SETDB2: variants seen among roughly 807,000 people sequenced by gnomAD.
SETDB2 encodes the protein SET domain bifurcated histone lysine methyltransferase 2.
SETDB2 carries 56 observed loss-of-function variants against 82.5 expected under a neutral mutation model. The observed-to-expected ratio is 0.68, with a 90% CI of 0.55 to 0.85. The LOEUF (loss-of-function observed/expected upper bound fraction) is 0.85. Among genes scored for constraint, SETDB2 ranks in the 40% least tolerant of loss-of-function variants. The pLI, the probability that SETDB2 is intolerant of heterozygous loss-of-function variation, is 0.00. For missense variants in SETDB2, 677 were observed against 816.4 expected (o/e 0.83, Z 2.08); for synonymous variants, 272 against 284.9 (o/e 0.95, Z 0.46).
intron 2 of SETDB2, among the ~76,000 whole-genome samples, chr13:49,452,684 C>T (rs1957807366): frequency 6.6e-6 from 1 of 152,156 alleles, no homozygotes; most frequent in African/African-American, 2.4e-5. Context: ...GCTTAGGCTC[C>T]TCCTAGCTGT....
chr13:49,447,927 A>G lies in SETDB2; in HGVS notation c.-342+3070A>G, dbSNP rs140661030. Among the ~76,000 whole-genome samples, 70 of 152,188 alleles carry G rather than the reference A, an allele frequency of 4.6e-4. 1 individual carries two copies. Among genetic ancestry groups the G allele is most frequent in the African/African-American group, 1.6e-3 (65 of 41,546 alleles). On this transcript the variant is annotated intron_variant, in intron 1 of 13. Transcript: ENST00000611815. The stretch of plus-strand genomic sequence containing the variant: ...ATGATAAAAATTAGCCGTTCTCTGA[A>G]AGTTTTGTACAATTCATCTGTAAAA...
chr13:49,447,532 T>G (rs1439473208), intron 1 of SETDB2, among the ~76,000 whole-genome samples: 1 of 152,108 alleles, frequency 6.6e-6, no homozygotes, highest in East Asian at 1.9e-4. Context: ...GTAGATAGCC[T>G]CGATCAGAAT....
intron 3 of SETDB2, among the ~76,000 whole-genome samples, chr13:49,460,803 A>T (rs1398086374): frequency 6.6e-6 from 1 of 152,100 alleles, no homozygotes; most frequent in Non-Finnish European, 1.5e-5. Context: ...CATTATTATT[A>T]TGTGTTTATC....
intron 2 of SETDB2, among the ~76,000 whole-genome samples, chr13:49,456,850 G>A (rs539581861): frequency 2.9e-4 from 44 of 152,210 alleles, no homozygotes; most frequent in African/African-American, 1.1e-3. Context: ...TATTACTGTG[G>A]TTAAGGGCTT....
intron 4 of SETDB2, among the ~76,000 whole-genome samples, chr13:49,465,595 G>A (rs191166057): frequency 6.6e-6 from 1 of 151,388 alleles, no homozygotes; most frequent in Admixed American, 6.6e-5. Context: ...GGAGTACAAT[G>A]GCACGATCTT....
intron 1 of SETDB2, among the ~76,000 whole-genome samples, chr13:49,446,630 T>C (rs547797860): frequency 1.3e-5 from 2 of 152,356 alleles, no homozygotes; most frequent in South Asian, 4.1e-4. Flanking sequence ...TTATGTTATT[T>C]ATGGATCATT....
In SETDB2 at chr13:49,492,792, C is replaced by A. The variant is rs1958738070; in HGVS notation, c.*943C>A. On this transcript the variant is annotated 3_prime_UTR_variant, in exon 14 of 14. Coordinates refer to ENST00000611815, the MANE Select transcript of SETDB2 (RefSeq NM_001160308.3). ...TGGGCAACATGTCAAAACCCTGTCT[C>A]TACAAAAAATACAAAAATTAGCCTG... is the stretch of plus-strand genomic sequence containing the variant. 6.6e-6 allele frequency: 1 copy of A among 152,168 alleles called. No homozygotes were observed. The highest frequency in any genetic ancestry group is 2.1e-4 in the South Asian group (1 of 4,826). 9.4% of individuals were successfully genotyped at this position (152,168 alleles called of 1,614,324 possible). A position where few individuals can be genotyped will look rare whatever the true frequency, so the allele number is the denominator to read the frequency against.
chr13:49,461,196 C>A, intron 4 of SETDB2, 34 bp downstream of exon 4: 2 of 1,447,430 alleles, frequency 1.4e-6, no homozygotes, highest in South Asian at 1.2e-5. Context: ...GTAGAGTATT[C>A]TCTGATATTT....
In SETDB2 at chr13:49,492,198, C is replaced by T. The variant is rs1459374064; in HGVS notation, c.*349C>T. 1 of 188,596 alleles carries T rather than the reference C, an allele frequency of 5.3e-6. No individual in the cohort carries two copies. The highest frequency in any genetic ancestry group is 1.1e-5 in the Non-Finnish European group (1 of 89,076). The allele number at this position is 188,596 out of a possible 1,614,324, so 11.7% of individuals were successfully genotyped here. ...CAGCTGTTTCTAATTGCTTTTGTGA[C>T]TGTTACCTTTTAGTTCATGCCCCCC... On this transcript the variant is annotated 3_prime_UTR_variant, in exon 14 of 14. Transcript: ENST00000611815.
intron 4 of SETDB2, chr13:49,464,204 T>C (rs989218895): frequency 2.4e-5 from 15 of 621,482 alleles, no homozygotes; most frequent in Non-Finnish European, 4.1e-5. Flanking sequence ...AGTATAGTAC[T>C]GACTTCCTCT....
intron 5 of SETDB2, 100 bp from the exon 6 acceptor site, chr13:49,476,376 T>A: frequency 1.2e-6 from 1 of 809,408 alleles, no homozygotes; most frequent in Non-Finnish European, 1.9e-6. Context: ...GTCTGGCTTA[T>A]TTTAATATTG....
rs749430937 is a variant in SETDB2, at chr13:49,491,904, A to G, written c.*55A>G. 2.4e-6 allele frequency: 3 copies of G among 1,246,750 alleles called. No individual in the cohort carries two copies. The Admixed American group carries it at 5.0e-5, about 21-fold the overall frequency. The allele number at this position is 1,246,750 out of a possible 1,614,324, so 77.2% of individuals were successfully genotyped here. On this transcript the variant is annotated 3_prime_UTR_variant, in exon 14 of 14. Transcript: ENST00000611815. Reference sequence around the variant, plus strand: ...AGCTTATCAGGCTGAAATTAAAGCCATGCAAAAGAAGGTCTAGGTCCATCA... The same window carrying G: ...AGCTTATCAGGCTGAAATTAAAGCCGTGCAAAAGAAGGTCTAGGTCCATCA...
chr13:49,453,012 C>T (rs906133062), intron 2 of SETDB2, among the ~76,000 whole-genome samples: 4 of 152,082 alleles, frequency 2.6e-5, no homozygotes, highest in Non-Finnish European at 4.4e-5. Context: ...CTATACTCTT[C>T]GGAAATAAAT....
At chr13:49,467,396 C>A (rs1252203868) in intron 4 of SETDB2, among the ~76,000 whole-genome samples, 1 of 55,108 alleles carries the variant, frequency 1.8e-5, no homozygotes, top group African/African-American at 1.8e-4. Context: ...GAGACTCTGT[C>A]TCAAAAAAAA....
Position 49,482,866 on chromosome 13 carries a change from T to G in SETDB2, c.1286T>G (p.Val429Gly). ...KLEVACSDCE[V>G]EVLPLGLETH... ...GAAGTTGCATGTTCAGATTGTGAAG[T>G]TGAAGTTCTCCCATTAGGATTGGAA... Residue 429 changes from valine to glycine, a missense_variant, in exon 9 of 14, where the codon GTT becomes GGT. By Grantham distance (109) the Val-to-Gly change is moderately radical. Transcript: ENST00000611815. The G allele has an allele frequency of 6.2e-7, 1 of 1,613,598 alleles. No homozygotes were observed. Among genetic ancestry groups the G allele is most frequent in the Non-Finnish European group, 8.5e-7 (1 of 1,179,704 alleles).
At chr13:49,482,637 A>C in intron 8 of SETDB2, 100 bp from the exon 9 acceptor site, 1 of 757,200 alleles carries the variant, frequency 1.3e-6, no homozygotes, top group East Asian at 2.7e-5. Context: ...TCATTGTAGA[A>C]TGTGTGGGTT....
At position 49,490,825 on chromosome 13, in the gene SETDB2, AGTT is replaced by A. The variant is rs1229396733; in HGVS notation, c.1926_1928del (p.Cys643del). On this transcript the variant is annotated inframe_deletion, in exon 13 of 14. Transcript: ENST00000611815. ...TGTGTTTATTTTTATTTAACAGCAT[AGTT>A]GTTGCCCAAATCTCTTGGTACAGAA... is the stretch of plus-strand genomic sequence containing the variant. 4.4e-6 allele frequency: 7 copies of A among 1,607,846 alleles called. No homozygotes were observed. Among genetic ancestry groups the A allele is most frequent in the Non-Finnish European group, 4.3e-6 (5 of 1,175,928 alleles).
At chr13:49,452,221 C>T (rs1007603189) in intron 2 of SETDB2, among the ~76,000 whole-genome samples, 1 of 151,878 alleles carries the variant, frequency 6.6e-6, no homozygotes, top group South Asian at 2.1e-4. Flanking sequence ...AAGCGATTCT[C>T]CTGCCACAGC....
At chr13:49,463,302 C>T (rs1028867149) in intron 4 of SETDB2, among the ~76,000 whole-genome samples, 21 of 152,070 alleles carry the variant, frequency 1.4e-4, no homozygotes, top group Admixed American at 7.9e-4. Flanking sequence ...TGAGCCACCG[C>T]GCCTGGTCAA....
Sources: allele counts gnomAD v4.1 joint callset (sites outside exome capture counted in the v4.1 genomes callset), GRCh38; gene constraint gnomAD v4.1.1; transcripts MANE v1.5; gene names NCBI Gene and HGNC (gene_info 2026-07-23, HGNC 2026-07-21).